The following STARD13 variants were observed in gnomAD, a reference collection of about 807,000 sequenced individuals.
STARD13 encodes StAR related lipid transfer domain containing 13, also known as stAR-related lipid transfer protein 13.
STARD13 carries 62 observed loss-of-function variants against 106.4 expected under a neutral mutation model. The observed-to-expected ratio is 0.58, with a 90% CI of 0.48 to 0.72. The LOEUF is 0.72. STARD13 is among the 30% of genes least tolerant of loss of function. The probability of loss-of-function intolerance (pLI) is 0.00; values close to 1 mark genes in which losing one functional copy is unlikely to be tolerated. For missense variants in STARD13, 1,387 were observed against 1,424.0 expected, an observed-to-expected ratio of 0.97 and a Z score of 0.42; for synonymous variants, 565 against 553.0, an observed-to-expected ratio of 1.02 and a Z score of -0.31.
At chr13:33,540,959 A>G in the STARD13 span, among the ~76,000 whole-genome samples, 1 of 152,224 alleles carries the variant, frequency 6.6e-6, no homozygotes, top group Admixed American at 6.5e-5. Context: ...GAGTTCATCC[A>G]TGGTTTGAGT....
At chr13:33,672,711 C>T in the STARD13 span, among the ~76,000 whole-genome samples, 1 of 152,132 alleles carries the variant, frequency 6.6e-6, no homozygotes, top group Middle Eastern at 3.4e-3. Context: ...TAAAGCTGTC[C>T]CATGTTTGAT....
chr13:33,489,715 C>A, the STARD13 span, among the ~76,000 whole-genome samples: 2 of 152,314 alleles, frequency 1.3e-5, no homozygotes, highest in African/African-American at 4.8e-5. Context: ...TTAATCTGAA[C>A]AATGGTGGCT....
chr13:33,643,623 C>T, the STARD13 span, among the ~76,000 whole-genome samples: 1 of 152,272 alleles, frequency 6.6e-6, no homozygotes, highest in East Asian at 1.9e-4. Flanking sequence ...TCTCCTGTCG[C>T]ACACCCGGTT....
Position 33,130,973 on chromosome 13 carries a change from G to A in STARD13, c.388-684C>T, listed in dbSNP as rs1439183002. Among the ~76,000 whole-genome samples, 3 of 152,338 alleles carry A rather than the reference G, an allele frequency of 2.0e-5. No homozygotes were observed. Among genetic ancestry groups the A allele is most frequent in the South Asian group, 2.1e-4 (1 of 4,828 alleles). ...GGAATCAACTCCGAGTCAGAATGCC[G>A]TTGGCAGGACGCACACCTCTGTGTG... On this transcript the variant is annotated intron_variant, in intron 4 of 13. Coordinates refer to ENST00000336934, the MANE Select transcript of STARD13 (RefSeq NM_178006.4). This position sits in a 1 kb window ranked among gnomAD's most constrained non-coding sequence, Gnocchi z 4.1.
the STARD13 span, among the ~76,000 whole-genome samples, chr13:33,533,425 G>T: frequency 1.3e-5 from 2 of 152,278 alleles, no homozygotes; most frequent in Admixed American, 1.3e-4. Context: ...CTGTTCTTGT[G>T]CCAAAAGGTA....
intron 1 of STARD13, among the ~76,000 whole-genome samples, chr13:33,329,293 TA>T (rs1290320210): frequency 1.3e-5 from 2 of 152,208 alleles, no homozygotes; most frequent in Non-Finnish European, 2.9e-5. Flanking sequence ...TTATGACATA[TA>T]AAAAATTGTA....
chr13:33,230,405 T>C (rs1888855658), intron 1 of STARD13, among the ~76,000 whole-genome samples: 1 of 152,190 alleles, frequency 6.6e-6, no homozygotes. Flanking sequence ...CCTGGCACCC[T>C]GGGTTTCCTG....
chr13:33,202,378 G>C (rs1024091358), intron 1 of STARD13, among the ~76,000 whole-genome samples: 2 of 152,164 alleles, frequency 1.3e-5, no homozygotes, highest in Non-Finnish European at 2.9e-5. Context: ...TGGGTACCAG[G>C]GTTCTGTCCC....
At chr13:33,382,242 C>G in the STARD13 span, among the ~76,000 whole-genome samples, 3 of 152,176 alleles carry the variant, frequency 2.0e-5, no homozygotes, top group African/African-American at 7.2e-5. Flanking sequence ...AATTACATTT[C>G]AAGTTAAGTC....
At chr13:33,205,536 C>T (rs544199209) in intron 1 of STARD13, among the ~76,000 whole-genome samples, 3 of 152,168 alleles carry the variant, frequency 2.0e-5, no homozygotes, top group Non-Finnish European at 2.9e-5. Flanking sequence ...GGAAGGAAGG[C>T]CTTATCTATA....
At chr13:33,616,079 C>T in the STARD13 span, among the ~76,000 whole-genome samples, 1 of 150,888 alleles carries the variant, frequency 6.6e-6, no homozygotes, top group South Asian at 2.1e-4. Flanking sequence ...ATATTAAAGA[C>T]ACATTTCTTG....
At chr13:33,350,007 A>C (rs1282630380) in intron 1 of STARD13, among the ~76,000 whole-genome samples, 56 of 103,736 alleles carry the variant, frequency 5.4e-4, no homozygotes, top group Non-Finnish European at 1.2e-3. Context: ...GCCCGGGGGC[A>C]GCCCCTCCAG....
intron 7 of STARD13, among the ~76,000 whole-genome samples, chr13:33,125,718 A>T (rs1485327171): frequency 6.6e-6 from 1 of 152,190 alleles, no homozygotes; most frequent in Non-Finnish European, 1.5e-5. Context: ...AATAATAGGG[A>T]TAAAAGAACA....
chr13:33,598,396 A>G, the STARD13 span, among the ~76,000 whole-genome samples: 2,285 of 152,296 alleles, frequency 0.015, 50 homozygotes, highest in African/African-American at 0.051. Flanking sequence ...CTGTAACTCA[A>G]ATGAATGATT....
rs1876775298 is a variant in STARD13 at position 33,124,046 on chromosome 13, G to A, written c.2082+2035C>T. Among the ~76,000 whole-genome samples, 3 of 152,204 alleles carry A rather than the reference G, an allele frequency of 2.0e-5. No individual in the cohort carries two copies. The South Asian group carries it at 6.2e-4, about 32-fold the overall frequency. ...TTGGCGAAGAAAGAACATTCGTTTG[G>A]TGTTGCTCTCCTTGCTTTTCACTCT... On this transcript the variant is annotated intron_variant, in intron 7 of 13. Coordinates refer to ENST00000336934, the MANE Select transcript of STARD13 (RefSeq NM_178006.4).
At chr13:33,308,035 C>A (rs1048714921) in intron 1 of STARD13, among the ~76,000 whole-genome samples, 9 of 152,116 alleles carry the variant, frequency 5.9e-5, no homozygotes, top group Non-Finnish European at 1.5e-5. Context: ...GCCTTCAACA[C>A]AAAGGGGCTA....
At chr13:33,367,121 C>A in the STARD13 span, among the ~76,000 whole-genome samples, 2 of 152,180 alleles carry the variant, frequency 1.3e-5, no homozygotes, top group African/African-American at 4.8e-5. Flanking sequence ...CACGATCTTT[C>A]TGCCGCTATG....
the STARD13 span, among the ~76,000 whole-genome samples, chr13:33,444,950 A>G: frequency 2.0e-5 from 3 of 152,236 alleles, no homozygotes; most frequent in Admixed American, 2.0e-4. Flanking sequence ...TGGATATAAA[A>G]TGCAATTGCT....
intron 1 of STARD13, among the ~76,000 whole-genome samples, chr13:33,205,585 AT>A (rs567533717): frequency 7.9e-5 from 12 of 152,384 alleles, no homozygotes; most frequent in African/African-American, 2.4e-4. Context: ...CTGAGATTAA[AT>A]AAAAGTAAAA....
Sources: allele counts gnomAD v4.1 joint callset (sites outside exome capture counted in the v4.1 genomes callset), GRCh38; gene constraint gnomAD v4.1.1; non-coding constraint Gnocchi (gnomAD v3.1); transcripts MANE v1.5; gene names NCBI Gene and HGNC (gene_info 2026-07-23, HGNC 2026-07-21).